BRDT: variants seen among roughly 807,000 people sequenced by gnomAD.
The protein encoded by BRDT is bromodomain testis-specific protein.
A neutral mutation model predicts 113.9 loss-of-function variants in BRDT; 77 were observed. The ratio of observed to expected loss-of-function variants is 0.68; its 90% CI spans 0.56 to 0.82. The LOEUF is 0.82. Ranked by LOEUF, BRDT falls within the 40% of genes least tolerant of loss-of-function variation. The pLI is 0.00. For synonymous variants in BRDT, 358 were observed against 366.5 expected (o/e 0.98, Z 0.26); for missense variants, 1,027 against 1,105.4 (o/e 0.93, Z 1.01).
chr1:92,012,632 C>T (rs990312691), intron 18 of BRDT, among the ~76,000 whole-genome samples: 3 of 152,252 alleles, frequency 2.0e-5, no homozygotes, highest in African/African-American at 7.2e-5. Flanking sequence ...AGTCTGGGGC[C>T]GGGTGCAATG....
At chr1:91,987,953 A>G (rs1685411751) in intron 12 of BRDT, among the ~76,000 whole-genome samples, 1 of 151,452 alleles carries the variant, frequency 6.6e-6, no homozygotes, top group Non-Finnish European at 1.5e-5. Context: ...GGCTTCAAGC[A>G]ATTCTTCTGC....
chr1:91,981,798 T>G (rs1454688784), intron 12 of BRDT, 43 bp downstream of exon 12: 1 of 1,523,120 alleles, frequency 6.6e-7, no homozygotes, highest in Non-Finnish European at 8.8e-7. Flanking sequence ...TGGGAGCACT[T>G]TTTTTCCTGT....
At chr1:91,995,857 C>T (rs1195814993) in intron 15 of BRDT, among the ~76,000 whole-genome samples, 2 of 151,840 alleles carry the variant, frequency 1.3e-5, no homozygotes, top group Admixed American at 6.6e-5. Context: ...AGGCTGGTCT[C>T]GAACTCTTGA....
At chr1:91,957,269 G>A (rs1044790913) in intron 1 of BRDT, among the ~76,000 whole-genome samples, 2 of 152,144 alleles carry the variant, frequency 1.3e-5, no homozygotes, top group Non-Finnish European at 2.9e-5. Context: ...CGAGGCAGGC[G>A]GATCACGAGG....
At chr1:92,012,957 G>A (rs964521433) in intron 18 of BRDT, among the ~76,000 whole-genome samples, 8 of 144,064 alleles carry the variant, frequency 5.6e-5, no homozygotes, top group South Asian at 4.4e-4. Flanking sequence ...AGCAGCTTGC[G>A]CCTTGTAATC....
chr1:91,995,048 C>A (rs1366696504), intron 15 of BRDT, among the ~76,000 whole-genome samples: 2 of 151,918 alleles, frequency 1.3e-5, no homozygotes, highest in African/African-American at 4.8e-5. Context: ...TTTTTAGATT[C>A]ATTTGACTTA....
In BRDT at chr1:92,005,168, A is replaced by T. The variant is rs1324078168; in HGVS notation, c.2644A>T (p.Asn882Tyr). 2 of 1,552,622 alleles carry T rather than the reference A, an allele frequency of 1.3e-6. No individual in the cohort carries two copies. Among genetic ancestry groups the T allele is most frequent in the African/African-American group, 1.4e-5 (1 of 71,128 alleles). ...TVESFSNKIQ[N>Y]KCSGEEQKEH... ...AGAATCTTTTTCAAATAAAATACAAAACAAGTGCTCTGGAGAAGAGCAGAA... is the reference window on the plus strand; with the variant it reads ...AGAATCTTTTTCAAATAAAATACAATACAAGTGCTCTGGAGAAGAGCAGAA... The change falls in exon 18 of 19, where the codon AAC becomes TAC. Residue 882 changes from asparagine to tyrosine, a missense_variant. By Grantham distance (143) the Asn-to-Tyr change is moderately radical. Transcript: ENST00000399546.
intron 15 of BRDT, among the ~76,000 whole-genome samples, chr1:91,998,348 G>C (rs1334031393): frequency 6.6e-6 from 1 of 152,096 alleles, no homozygotes; most frequent in Admixed American, 6.6e-5. Context: ...ACACACTGGG[G>C]CCTGTTGGGG....
intron 1 of BRDT, among the ~76,000 whole-genome samples, chr1:91,953,000 G>A (rs1189030291): frequency 1.3e-5 from 2 of 151,900 alleles, no homozygotes; most frequent in South Asian, 4.2e-4. Flanking sequence ...TGTGCACAAC[G>A]TGCAGGTTTG....
chr1:91,956,961 A>C (rs1557798583), intron 1 of BRDT, among the ~76,000 whole-genome samples: 1 of 152,160 alleles, frequency 6.6e-6, no homozygotes, highest in Non-Finnish European at 1.5e-5. Flanking sequence ...AAAAATAGAA[A>C]TAAAATCTTG....
At chr1:92,002,682 A>G (rs1295525914) in intron 16 of BRDT, among the ~76,000 whole-genome samples, 1 of 152,080 alleles carries the variant, frequency 6.6e-6, no homozygotes, top group African/African-American at 2.4e-5. Flanking sequence ...GTTTGTGTTT[A>G]ATTGAAAGTT....
At chr1:91,970,294 C>G (rs1683499659) in intron 4 of BRDT, among the ~76,000 whole-genome samples, 1 of 152,172 alleles carries the variant, frequency 6.6e-6, no homozygotes, top group East Asian at 1.9e-4. Flanking sequence ...GACAGGGTCT[C>G]ATTCTGTCAC....
chr1:91,974,041 T>G (rs1683878980), intron 4 of BRDT, among the ~76,000 whole-genome samples: 1 of 152,286 alleles, frequency 6.6e-6, no homozygotes, highest in Non-Finnish European at 1.5e-5. Context: ...GGGGAAAGGA[T>G]TCCCTATTTA....
intron 4 of BRDT, among the ~76,000 whole-genome samples, chr1:91,975,282 A>T (rs919682552): frequency 4.0e-5 from 6 of 151,842 alleles, no homozygotes; most frequent in Admixed American, 2.0e-4. Context: ...AAAGTATAAT[A>T]AAAAAAATTT....
Position 91,976,223 on chromosome 1 carries a change from CTTTA to C in BRDT, c.446-40_446-37del, listed in dbSNP as rs1557826984. The C allele has an allele frequency of 2.0e-6, 3 of 1,504,932 alleles. No individual in the cohort carries two copies. The African/African-American group carries it at 4.3e-5, about 21-fold the overall frequency. The allele number at this position is 1,504,932 out of a possible 1,614,324, so 93.2% of individuals were successfully genotyped here. A position where few individuals can be genotyped will look rare whatever the true frequency, so the allele number is the denominator to read the frequency against. On this transcript the variant is annotated intron_variant, in intron 4 of 18. Transcript: ENST00000399546. Reference sequence around the variant, plus strand: ...ATAAGACAGAAAGTGGTATTTTGTACTTTATTCATTCATATATTTGATTCTGGCT... The same window carrying C: ...ATAAGACAGAAAGTGGTATTTTGTACTTCATTCATATATTTGATTCTGGCT...
At chr1:91,972,093 C>T (rs999676685) in intron 4 of BRDT, among the ~76,000 whole-genome samples, 1 of 151,782 alleles carries the variant, frequency 6.6e-6, no homozygotes, top group African/African-American at 2.4e-5. Flanking sequence ...CACCAAAAAC[C>T]TTTTGTCAGT....
chr1:92,008,807 G>C (rs905517624), intron 18 of BRDT, among the ~76,000 whole-genome samples: 1 of 152,018 alleles, frequency 6.6e-6, no homozygotes, highest in African/African-American at 2.4e-5. Flanking sequence ...TGCGTTTAAG[G>C]TTCCTCTCTA....
intron 4 of BRDT, among the ~76,000 whole-genome samples, chr1:91,972,711 C>T (rs1029567421): frequency 1.3e-5 from 2 of 152,164 alleles, no homozygotes; most frequent in Non-Finnish European, 2.9e-5. Context: ...TCTAACTATT[C>T]CTCACTATGC....
At chr1:91,975,927 G>A (rs1291311376) in intron 4 of BRDT, among the ~76,000 whole-genome samples, 9 of 152,176 alleles carry the variant, frequency 5.9e-5, no homozygotes, top group Admixed American at 5.9e-4. Context: ...ACCTCACATA[G>A]TATTGTATGG....
Sources: gnomAD v4.1 joint callset for allele counts (sites outside exome capture counted in the v4.1 genomes callset) on GRCh38, gnomAD v4.1.1 for gene constraint, MANE v1.5 for transcripts, NCBI Gene and HGNC (gene_info 2026-07-23, HGNC 2026-07-21) for gene names.